ATRNL1: variants seen among roughly 807,000 people sequenced by gnomAD.
The protein encoded by ATRNL1 is attractin like 1.
Under a neutral mutation model 182.7 loss-of-function variants are expected in ATRNL1, and 95 were observed. The ratio of observed to expected loss-of-function variants is 0.52; its 90% CI spans 0.44 to 0.62. The LOEUF (loss-of-function observed/expected upper bound fraction) is 0.62, where lower values mean the gene tolerates loss of function less well. ATRNL1 is among the 20% of genes least tolerant of loss of function. The pLI, the probability that ATRNL1 is intolerant of heterozygous loss-of-function variation, is 0.00. For synonymous variants in ATRNL1, 576 were observed against 568.3 expected (o/e 1.01, Z -0.19); for missense variants, 1,471 against 1,679.5 (o/e 0.88, Z 2.17).
intron 8 of ATRNL1, among the ~76,000 whole-genome samples, chr10:115,209,272 T>TGGCCAGG (rs1260663630): frequency 1.3e-5 from 2 of 151,704 alleles, no homozygotes; most frequent in African/African-American, 4.8e-5. Context: ...TCTTGTGTCA[T>TGGCCAGG]GGCCAGGGTA....
At chr10:115,825,135 A>G (rs1950398960) in intron 27 of ATRNL1, among the ~76,000 whole-genome samples, 1 of 152,074 alleles carries the variant, frequency 6.6e-6, no homozygotes. Flanking sequence ...CACAGGAACT[A>G]ACACAGGAAC....
intron 19 of ATRNL1, among the ~76,000 whole-genome samples, chr10:115,364,449 A>G (rs1258125909): frequency 1.3e-4 from 19 of 148,446 alleles, no homozygotes; most frequent in African/African-American, 4.0e-4. Context: ...TAGATATACA[A>G]TCATATCGTC....
chr10:115,569,542 G>A (rs1555002870), intron 26 of ATRNL1, among the ~76,000 whole-genome samples: 2 of 152,100 alleles, frequency 1.3e-5, no homozygotes, highest in Non-Finnish European at 2.9e-5. Context: ...GTTTTAAAGT[G>A]GTTCTGATTT....
At chr10:115,723,625 T>C (rs1225094592) in intron 26 of ATRNL1, among the ~76,000 whole-genome samples, 1 of 152,118 alleles carries the variant, frequency 6.6e-6, no homozygotes, top group African/African-American at 2.4e-5. Flanking sequence ...CTCAGCTCAC[T>C]GCAACCTCCA....
At chr10:115,530,760 T>G (rs1554988006) in intron 25 of ATRNL1, among the ~76,000 whole-genome samples, 1 of 146,098 alleles carries the variant, frequency 6.8e-6, no homozygotes, top group East Asian at 2.1e-4. Context: ...GTATATCTCC[T>G]CATGCTATCC....
At chr10:115,256,731 G>A (rs1851158020) in intron 10 of ATRNL1, among the ~76,000 whole-genome samples, 1 of 151,918 alleles carries the variant, frequency 6.6e-6, no homozygotes, top group Admixed American at 6.6e-5. Flanking sequence ...TGTGATGTTG[G>A]GTGTCGATTT....
chr10:115,865,281 T>C (rs1951414297), intron 28 of ATRNL1, among the ~76,000 whole-genome samples: 1 of 152,144 alleles, frequency 6.6e-6, no homozygotes, highest in African/African-American at 2.4e-5. Flanking sequence ...ATGTAAAATG[T>C]TTTCATTTGG....
chr10:115,630,911 C>T (rs1858464216), intron 26 of ATRNL1, among the ~76,000 whole-genome samples: 1 of 149,306 alleles, frequency 6.7e-6, no homozygotes, highest in South Asian at 2.1e-4. Context: ...GAGATCCTGT[C>T]TTTTGCAACA....
intron 28 of ATRNL1, among the ~76,000 whole-genome samples, chr10:115,873,048 C>A (rs1006471703): frequency 6.6e-6 from 1 of 152,178 alleles, no homozygotes; most frequent in African/African-American, 2.4e-5. Flanking sequence ...AAGGTAAGTA[C>A]CCTGAAATGG....
In ATRNL1 at chr10:115,549,480, G is replaced by T; in HGVS notation, c.3739G>T (p.Val1247Leu). 6.2e-7 allele frequency: 1 copy of T among 1,601,208 alleles called. No individual in the cohort carries two copies. Among genetic ancestry groups the T allele is most frequent in the Non-Finnish European group, 8.5e-7 (1 of 1,173,146 alleles). ...FFSCFLSLLLVAAVVWKIKQT... is the reference protein window; with the variant it reads ...FFSCFLSLLLLAAVVWKIKQT... ...CAGTTGTTTCCTATCCTTATTGCTG[G>T]TGGCTGCTGTGGTATGGAAGATCAA... The change falls in exon 26 of 29, where the codon GTG becomes TTG. Residue 1247 changes from valine (V) to leucine (L), a missense_variant. Val to Leu is a conservative substitution (Grantham distance 32). This residue lies in a region of ATRNL1 where 437 missense variants were observed against 506.0 expected (regional missense o/e 0.86). Coordinates refer to ENST00000355044, the MANE Select transcript of ATRNL1 (RefSeq NM_207303.4).
At chr10:115,413,477 T>C (rs1239638119) in intron 20 of ATRNL1, among the ~76,000 whole-genome samples, 6 of 152,152 alleles carry the variant, frequency 3.9e-5, no homozygotes, top group South Asian at 2.1e-4. Context: ...GACCTCAACA[T>C]TTTTCTATAA....
chr10:115,575,476 G>A (rs782096471), intron 26 of ATRNL1, among the ~76,000 whole-genome samples: 5 of 152,052 alleles, frequency 3.3e-5, no homozygotes, highest in Non-Finnish European at 7.4e-5. Context: ...GACATCTGGA[G>A]TGTTTTTCAA....
At chr10:115,752,385 C>T (rs1192228786) in intron 27 of ATRNL1, among the ~76,000 whole-genome samples, 2 of 151,948 alleles carry the variant, frequency 1.3e-5, no homozygotes, top group Admixed American at 6.6e-5. Flanking sequence ...GTACTGAGCC[C>T]CTATTATGAG....
intron 19 of ATRNL1, among the ~76,000 whole-genome samples, chr10:115,351,742 G>GTGTTGTGTTTTGTTTTGTTT (rs1856261410): frequency 6.7e-6 from 1 of 149,742 alleles, no homozygotes; most frequent in Non-Finnish European, 1.5e-5. Context: ...TTCTTTTCTT[G>GTGTTGTGTTTTGTTTTGTTT]TGTTTTGTTT....
At position 115,944,979 on chromosome 10, in the gene ATRNL1, A is replaced by T. The variant is rs1953843360; in HGVS notation, c.*200A>T. On this transcript the variant is annotated 3_prime_UTR_variant, in exon 29 of 29. Transcript: ENST00000355044. ...AAAAGTATTGATGGTCACAGGTGAT[A>T]AAGTCAGTTTTTACCACTATCTTAG... is the stretch of plus-strand genomic sequence containing the variant. The T allele has an allele frequency of 2.1e-6, 1 of 467,238 alleles. No homozygotes were observed. The highest frequency in any genetic ancestry group is 3.7e-5 in the East Asian group (1 of 27,224). 28.9% of individuals were successfully genotyped at this position (467,238 alleles called of 1,614,324 possible).
At chr10:115,437,387 TTC>T (rs1846451827) in intron 21 of ATRNL1, among the ~76,000 whole-genome samples, 1 of 152,006 alleles carries the variant, frequency 6.6e-6, no homozygotes, top group South Asian at 2.1e-4. Context: ...TCAGTCTGCT[TTC>T]AGTATGTAAA....
intron 21 of ATRNL1, among the ~76,000 whole-genome samples, chr10:115,443,717 G>A (rs929243860): frequency 3.3e-4 from 50 of 151,898 alleles, no homozygotes; most frequent in East Asian, 1.2e-3. Flanking sequence ...TTTGGACATC[G>A]CAATTTTTAC....
intron 28 of ATRNL1, among the ~76,000 whole-genome samples, chr10:115,879,305 C>CA (rs140716871): frequency 9.3e-6 from 1 of 108,046 alleles, no homozygotes; most frequent in Non-Finnish European, 1.8e-5. Context: ...CTCTCTATCT[C>CA]AAAAAAAAAA....
intron 5 of ATRNL1, among the ~76,000 whole-genome samples, chr10:115,140,489 G>A (rs551776850): frequency 8.5e-5 from 13 of 152,140 alleles, no homozygotes; most frequent in East Asian, 1.9e-4. Context: ...AAACCAGCAA[G>A]CTTCAGCATA....
Sources: gnomAD v4.1 joint callset for allele counts (sites outside exome capture counted in the v4.1 genomes callset) on GRCh38, gnomAD v4.1.1 for gene constraint, gnomAD v4.1.1 regional missense constraint, MANE v1.5 for transcripts, NCBI Gene and HGNC (gene_info 2026-07-23, HGNC 2026-07-21) for gene names.